The following TAF5L variants were observed in gnomAD, a reference collection of about 807,000 sequenced individuals.
TAF5L encodes the protein TATA-box binding protein associated factor 5 like.
In TAF5L, 7 loss-of-function variants were observed where a neutral mutation model predicts 51.3. The ratio of observed to expected loss-of-function variants is 0.14; its 90% CI spans 0.08 to 0.26. TAF5L has a LOEUF of 0.26. Among genes scored for constraint, TAF5L ranks in the 10% least tolerant of loss-of-function variants. The probability of loss-of-function intolerance (pLI) is 1.00; values close to 1 mark genes in which losing one functional copy is unlikely to be tolerated. For synonymous variants in TAF5L, 291 were observed against 308.1 expected (o/e 0.94, Z 0.58); for missense variants, 575 against 758.9 (o/e 0.76, Z 2.85).
At chr1:229,624,772 A>G (rs981194032) in intron 1 of TAF5L, among the ~76,000 whole-genome samples, 1 of 152,188 alleles carries the variant, frequency 6.6e-6, no homozygotes, top group Non-Finnish European at 1.5e-5. Context: ...AGATGTGGCC[A>G]GATGCATTTA....
chr1:229,625,675 G>T lies in TAF5L; in HGVS notation c.-4+210C>A, dbSNP rs1231714167. ...CGCCGCCGGCCGCAGCCCGGGACTC[G>T]GGAGGCCGAGGGCGGAGGCGCGGCC... On this transcript the variant is annotated intron_variant, in intron 1 of 4. Transcript: ENST00000258281. The surrounding 1 kb of genome is among the most constrained non-coding windows in gnomAD (Gnocchi z 4.0). Among the ~76,000 whole-genome samples the T allele has an allele frequency of 6.7e-6, 1 of 148,990 alleles. No homozygotes were observed. Among genetic ancestry groups the T allele is most frequent in the African/African-American group, 2.4e-5 (1 of 40,854 alleles).
chr1:229,620,956 A>ATGTGTGTGTGTGTG (rs60562331), intron 1 of TAF5L, among the ~76,000 whole-genome samples: 1 of 149,904 alleles, frequency 6.7e-6, no homozygotes, highest in African/African-American at 2.5e-5. Flanking sequence ...TAAAACATTT[A>ATGTGTGTGTGTGTG]TGTGTGTGTG....
In TAF5L at chr1:229,622,622, TA is replaced by T. The variant is rs559580232; in HGVS notation, c.-4+3262del. ...AAATAAAAATAAAAGTCTTTCTTTT[TA>T]ATTTTGAAATAAGGTCTTGCTCTGT... is the stretch of plus-strand genomic sequence containing the variant. On this transcript the variant is annotated intron_variant, in intron 1 of 4. Transcript: ENST00000258281. Among the ~76,000 whole-genome samples the T allele has an allele frequency of 3.9e-4, 60 of 152,320 alleles. No individual in the cohort carries two copies. In the East Asian group the frequency reaches 9.6e-3, roughly 24 times the overall value.
At chr1:229,607,201 C>G in intron 3 of TAF5L, 2 of 985,422 alleles carry the variant, frequency 2.0e-6, no homozygotes, top group Non-Finnish European at 2.4e-6. Context: ...CTCCTTTACT[C>G]CTGAGCCTTG....
intron 2 of TAF5L, 42 bp downstream of exon 2, chr1:229,614,296 TCTC>T: frequency 6.2e-7 from 1 of 1,614,112 alleles, no homozygotes; most frequent in Non-Finnish European, 8.5e-7. Context: ...TGACGTGAGT[TCTC>T]CTGCTCCAGG....
At position 229,619,249 on chromosome 1, in the gene TAF5L, A is replaced by G. The variant is rs80354303; in HGVS notation, c.-3-4764T>C. ...TAAGCTTTGTGAAAATATAAATCAC[A>G]ACTGAAAAATAAATGAGCCATACTA... is the stretch of plus-strand genomic sequence containing the variant. On this transcript the variant is annotated intron_variant, in intron 1 of 4. Coordinates refer to ENST00000258281, the Ensembl canonical transcript of TAF5L. 1.3e-3 allele frequency among the ~76,000 whole-genome samples: 197 copies of G among 152,338 alleles called. 2 individuals are homozygous for G. In the East Asian group the frequency reaches 0.035, roughly 27 times the overall value.
intron 1 of TAF5L, among the ~76,000 whole-genome samples, chr1:229,620,488 C>A (rs1330185719): frequency 3.9e-5 from 6 of 152,200 alleles, no homozygotes; most frequent in Non-Finnish European, 8.8e-5. Flanking sequence ...TAAATCACCC[C>A]AACCCTCATG....
chr1:229,608,527 G>A (rs149777210), intron 3 of TAF5L, among the ~76,000 whole-genome samples: 1 of 152,192 alleles, frequency 6.6e-6, no homozygotes, highest in African/African-American at 2.4e-5. Flanking sequence ...CTTTCATTGA[G>A]AGGTAAGAAC....
exon 5 of TAF5L, chr1:229,593,362 G>C (rs1663990167): frequency 6.6e-6 from 1 of 152,110 alleles, no homozygotes; most frequent in East Asian, 1.9e-4. Context: ...CCTCTGAATG[G>C]TCATTCAGAA....
chr1:229,599,389 C>T (rs1013111786), intron 4 of TAF5L: 2 of 200,882 alleles, frequency 1.0e-5, no homozygotes, highest in Non-Finnish European at 1.8e-5. Context: ...CTATCTAATA[C>T]AGAACATTTT....
rs199651102 is a variant in TAF5L, at chr1:229,594,804, T to C, written c.1263A>G (p.Ile421Met). ...CCACATCTGCCAGGTGTCCTGCATA[T>C]ATCCTCAGCGGGTACGTCCGATCAA... The change falls in exon 5 of 5, where the codon ATA (isoleucine) becomes ATG (methionine). Residue 421 changes from isoleucine to methionine, a missense_variant. Physicochemically the swap from Ile to Met is conservative, Grantham distance 10. Coordinates refer to ENST00000258281, the Ensembl canonical transcript of TAF5L. The surrounding 1 kb of genome is among the most constrained non-coding windows in gnomAD (Gnocchi z 7.9). 5 of 1,614,186 alleles carry C rather than the reference T, an allele frequency of 3.1e-6. No homozygotes were observed. Among genetic ancestry groups the C allele is most frequent in the African/African-American group, 2.7e-5 (2 of 75,032 alleles).
At chr1:229,618,650 G>T (rs1003900019) in intron 1 of TAF5L, among the ~76,000 whole-genome samples, 1 of 152,176 alleles carries the variant, frequency 6.6e-6, no homozygotes, top group African/African-American at 2.4e-5. Context: ...ACATGGGGAG[G>T]TGGAGATACA....
chr1:229,595,964 C>A (rs915000398), intron 4 of TAF5L, among the ~76,000 whole-genome samples: 1 of 152,206 alleles, frequency 6.6e-6, no homozygotes, highest in African/African-American at 2.4e-5. Context: ...CGCGCCCAGC[C>A]TCACTTCAAG....
At chr1:229,595,007 T>C in exon 5 of TAF5L, 2 of 1,614,184 alleles carry the variant, frequency 1.2e-6, no homozygotes, top group South Asian at 1.1e-5. Flanking sequence ...AACCCTGAGC[T>C]GTCCGCGAGG....
chr1:229,601,806 T>G, intron 4 of TAF5L: 2 of 1,024,828 alleles, frequency 2.0e-6, no homozygotes, highest in Non-Finnish European at 2.3e-6. Context: ...CAGTTGACAA[T>G]GGAGGCCCTT....
At chr1:229,619,197 T>G (rs1014671173) in intron 1 of TAF5L, among the ~76,000 whole-genome samples, 2 of 152,236 alleles carry the variant, frequency 1.3e-5, no homozygotes, top group African/African-American at 4.8e-5. Flanking sequence ...TAGCTTTGCA[T>G]TAATCATCAT....
chr1:229,601,536 T>C, intron 4 of TAF5L: 4 of 985,540 alleles, frequency 4.1e-6, no homozygotes, highest in Non-Finnish European at 4.8e-6. Context: ...TCAATGACTG[T>C]CCTAAACGGT....
At chr1:229,593,442 T>G (rs1663992746) in exon 5 of TAF5L, 1 of 152,158 alleles carries the variant, frequency 6.6e-6, no homozygotes, top group Admixed American at 6.5e-5. Flanking sequence ...ATCTTTCTTT[T>G]GAGGGGAGAG....
chr1:229,622,368 A>AT (rs1246754628), intron 1 of TAF5L, among the ~76,000 whole-genome samples: 1 of 152,086 alleles, frequency 6.6e-6, no homozygotes, highest in Non-Finnish European at 1.5e-5. Flanking sequence ...AGCCCCAAAC[A>AT]TGAGACTTTT....
Sources: gnomAD v4.1 joint callset for allele counts (sites outside exome capture counted in the v4.1 genomes callset) on GRCh38, gnomAD v4.1.1 for gene constraint, Gnocchi (gnomAD v3.1) non-coding constraint, MANE v1.5 for transcripts, NCBI Gene and HGNC (gene_info 2026-07-23, HGNC 2026-07-21) for gene names.